The following CA10 variants were observed in gnomAD, a reference collection of about 807,000 sequenced individuals.
CA10 encodes carbonic anhydrase-related protein 10.
A neutral mutation model predicts 44.2 loss-of-function variants in CA10; 14 were observed. The ratio of observed to expected loss-of-function variants is 0.32; its 90% CI spans 0.21 to 0.50. The LOEUF is 0.50. Among genes scored for constraint, CA10 ranks in the 20% least tolerant of loss-of-function variants. The pLI, the probability that CA10 is intolerant of heterozygous loss-of-function variation, is 0.99. For missense variants in CA10, 350 were observed against 409.7 expected (o/e 0.85, Z 1.26); for synonymous variants, 159 against 141.6 (o/e 1.12, Z -0.87).
intron 4 of CA10, among the ~76,000 whole-genome samples, chr17:51,739,886 G>C (rs1043220552): frequency 3.9e-5 from 6 of 152,100 alleles, no homozygotes; most frequent in Admixed American, 1.3e-4. Context: ...CATTGGCAAA[G>C]CTCCTTAGTC....
chr17:51,675,457 G>T (rs986846523), intron 4 of CA10, among the ~76,000 whole-genome samples: 14 of 151,586 alleles, frequency 9.2e-5, no homozygotes, highest in African/African-American at 3.4e-4. Context: ...CTACTCAGGG[G>T]AGAATGGCTT....
chr17:52,154,410 T>C (rs1010512343), intron 1 of CA10, among the ~76,000 whole-genome samples: 3 of 152,208 alleles, frequency 2.0e-5, no homozygotes, highest in Non-Finnish European at 4.4e-5. Context: ...TTGATGTTAT[T>C]ATTATGAATA....
intron 3 of CA10, among the ~76,000 whole-genome samples, chr17:51,831,692 A>AGCGGCG (rs1567854568): frequency 7.5e-5 from 6 of 79,786 alleles, no homozygotes; most frequent in Non-Finnish European, 1.5e-4. Context: ...CAGCAGCAGC[A>AGCGGCG]GCAGCAGCAG....
intron 3 of CA10, among the ~76,000 whole-genome samples, chr17:51,806,356 T>C (rs1477794564): frequency 6.6e-6 from 1 of 152,224 alleles, no homozygotes; most frequent in East Asian, 1.9e-4. Context: ...GTTCCTACTT[T>C]TGCTTCCATA....
chr17:51,781,693 T>A (rs1346321853), intron 3 of CA10, among the ~76,000 whole-genome samples: 2 of 152,200 alleles, frequency 1.3e-5, no homozygotes, highest in Non-Finnish European at 2.9e-5. Context: ...TGTTTCTCTG[T>A]CTGCATGTGA....
intron 4 of CA10, among the ~76,000 whole-genome samples, chr17:51,691,579 A>G (rs978941673): frequency 1.4e-5 from 2 of 144,324 alleles, no homozygotes; most frequent in African/African-American, 5.9e-5. Flanking sequence ...AGTTTGATGT[A>G]GTCCCATTTG....
intron 1 of CA10, among the ~76,000 whole-genome samples, chr17:52,157,212 C>A (rs1368051324): frequency 6.6e-6 from 1 of 152,046 alleles, no homozygotes; most frequent in Non-Finnish European, 1.5e-5. Context: ...CACAATCAGT[C>A]CTGATGTGTT....
At chr17:51,755,488 T>C (rs1386317911) in intron 3 of CA10, among the ~76,000 whole-genome samples, 3 of 152,324 alleles carry the variant, frequency 2.0e-5, no homozygotes, top group East Asian at 1.9e-4. Context: ...AGGTTTCCGA[T>C]ATGTTCTCTC....
intron 2 of CA10, among the ~76,000 whole-genome samples, chr17:52,069,213 A>C (rs2143125390): frequency 6.6e-6 from 1 of 152,346 alleles, no homozygotes; most frequent in South Asian, 2.1e-4. Flanking sequence ...TTGGTCTAAT[A>C]TCTGGGTACG....
intron 2 of CA10, among the ~76,000 whole-genome samples, chr17:52,038,206 A>G (rs1013717468): frequency 1.3e-5 from 2 of 152,212 alleles, no homozygotes; most frequent in African/African-American, 4.8e-5. Flanking sequence ...TGAGTGGGAT[A>G]CAGAGAACTG....
intron 3 of CA10, among the ~76,000 whole-genome samples, chr17:51,851,983 C>T (rs970009875): frequency 3.3e-5 from 5 of 152,000 alleles, no homozygotes; most frequent in African/African-American, 1.2e-4. Flanking sequence ...GGCTGTTAGC[C>T]AGAAGTCCAC....
chr17:52,030,384 C>T (rs1229544239), intron 2 of CA10, among the ~76,000 whole-genome samples: 1 of 151,598 alleles, frequency 6.6e-6, no homozygotes, highest in Non-Finnish European at 1.5e-5. Flanking sequence ...GAAGCAGCAC[C>T]CATGGAGAGG....
chr17:51,685,094 T>A (rs1914964411), intron 4 of CA10, among the ~76,000 whole-genome samples: 1 of 152,088 alleles, frequency 6.6e-6, no homozygotes, highest in Admixed American at 6.5e-5. Flanking sequence ...ACTCTCATGC[T>A]AAAAATACAA....
chr17:52,023,733 G>A (rs1986211799), intron 2 of CA10, among the ~76,000 whole-genome samples: 1 of 149,314 alleles, frequency 6.7e-6, no homozygotes, highest in African/African-American at 2.5e-5. Context: ...ATGCAACAAA[G>A]GCCTACTATC....
chr17:51,965,986 G>T (rs1481921046), intron 2 of CA10, among the ~76,000 whole-genome samples: 9 of 151,748 alleles, frequency 5.9e-5, no homozygotes, highest in Non-Finnish European at 1.3e-4. Context: ...TCTGTCAAAA[G>T]GCTCCTGGAA....
At chr17:51,798,400 G>A (rs778512324) in intron 3 of CA10, among the ~76,000 whole-genome samples, 1 of 152,140 alleles carries the variant, frequency 6.6e-6, no homozygotes, top group Non-Finnish European at 1.5e-5. Context: ...CATGCCCAAT[G>A]GCATTTATCT....
intron 5 of CA10, among the ~76,000 whole-genome samples, chr17:51,653,320 T>C (rs1000320131): frequency 1.3e-5 from 2 of 152,200 alleles, no homozygotes; most frequent in African/African-American, 4.8e-5. Flanking sequence ...CCCACCCTTC[T>C]AGTATTATAT....
intron 3 of CA10, among the ~76,000 whole-genome samples, chr17:51,777,971 G>C (rs1195476190): frequency 6.6e-6 from 1 of 152,110 alleles, no homozygotes; most frequent in Non-Finnish European, 1.5e-5. Context: ...CAAATAATGT[G>C]GTTATTGATG....
intron 1 of CA10, among the ~76,000 whole-genome samples, chr17:52,093,374 C>T (rs984902715): frequency 6.6e-6 from 1 of 152,168 alleles, no homozygotes; most frequent in Admixed American, 6.5e-5. Flanking sequence ...CATTCATAGA[C>T]CTCATCTGAG....
Sources: gnomAD v4.1 joint callset for allele counts (sites outside exome capture counted in the v4.1 genomes callset) on GRCh38, gnomAD v4.1.1 for gene constraint, MANE v1.5 for transcripts, NCBI Gene and HGNC (gene_info 2026-07-23, HGNC 2026-07-21) for gene names.